ERC2: variants seen among roughly 807,000 people sequenced by gnomAD.
ERC2 encodes ELKS/RAB6-interacting/CAST family member 2.
In ERC2, 42 loss-of-function variants were observed where a neutral mutation model predicts 114.8. That is an observed-to-expected ratio of 0.37 (90% CI 0.29 to 0.47). The LOEUF (loss-of-function observed/expected upper bound fraction) is 0.47. Ranked by LOEUF, ERC2 falls within the 20% of genes least tolerant of loss-of-function variation. The probability of loss-of-function intolerance (pLI) is 0.99; values close to 1 mark genes in which losing one functional copy is unlikely to be tolerated. For synonymous variants in ERC2, 454 were observed against 425.5 expected (o/e 1.07, Z -0.82); for missense variants, 939 against 1,150.7 (o/e 0.82, Z 2.66).
chr3:55,635,180 G>A (rs74543407), intron 17 of ERC2, among the ~76,000 whole-genome samples: 3,172 of 152,112 alleles, frequency 0.021, 43 homozygotes, highest in Middle Eastern at 0.068. Flanking sequence ...ACCGTGCCCG[G>A]CCTATTATTT....
chr3:56,348,815 G>C (rs756260126), intron 2 of ERC2, among the ~76,000 whole-genome samples: 4 of 150,160 alleles, frequency 2.7e-5, no homozygotes, highest in Non-Finnish European at 5.9e-5. Context: ...CAAACCCAAG[G>C]TAAACAGGAT....
intron 14 of ERC2, among the ~76,000 whole-genome samples, chr3:55,829,843 T>C (rs77901867): frequency 0.024 from 3,609 of 152,210 alleles, 78 homozygotes; most frequent in South Asian, 0.085. Flanking sequence ...CGAACATTTG[T>C]GTCATTGGAA....
intron 5 of ERC2, among the ~76,000 whole-genome samples, chr3:56,145,440 T>C (rs1169405005): frequency 6.6e-6 from 1 of 152,226 alleles, no homozygotes; most frequent in African/African-American, 2.4e-5. Flanking sequence ...GTATTTGGTA[T>C]GTTCCATTCT....
At chr3:56,332,919 A>G (rs1023813261) in intron 2 of ERC2, among the ~76,000 whole-genome samples, 2 of 152,220 alleles carry the variant, frequency 1.3e-5, no homozygotes, top group Admixed American at 6.5e-5. Context: ...AAAAGGGGGG[A>G]AAAACAATGC....
chr3:55,617,241 G>A (rs1305828878), intron 17 of ERC2, among the ~76,000 whole-genome samples: 1 of 152,144 alleles, frequency 6.6e-6, no homozygotes, highest in Non-Finnish European at 1.5e-5. Flanking sequence ...TATTTCCAGT[G>A]CGCCTCTACC....
At chr3:55,845,331 C>T (rs2061310801) in intron 14 of ERC2, among the ~76,000 whole-genome samples, 1 of 152,004 alleles carries the variant, frequency 6.6e-6, no homozygotes, top group Middle Eastern at 3.4e-3. Context: ...GGTGAAACCC[C>T]GTCTCTGCTA....
intron 2 of ERC2, among the ~76,000 whole-genome samples, chr3:56,422,691 G>A (rs1180805373): frequency 1.3e-5 from 2 of 152,162 alleles, no homozygotes; most frequent in Admixed American, 6.5e-5. Flanking sequence ...CAAGTTTGAT[G>A]TTTTTCCCTT....
intron 14 of ERC2, among the ~76,000 whole-genome samples, chr3:55,817,153 T>C (rs1375930384): frequency 6.6e-6 from 1 of 152,180 alleles, no homozygotes; most frequent in African/African-American, 2.4e-5. Context: ...ACGCAATAAC[T>C]CACAACCACC....
Position 55,591,658 on chromosome 3 carries a change from C to T in ERC2, c.*40-80382G>A, listed in dbSNP as rs139801021. On this transcript the variant is annotated intron_variant, in intron 17 of 17. Transcript: ENST00000288221. ...CTGACCAAGGCCAAAACCAAACATC[C>T]GCAATGAGGAAAAATAAGCACAAGT... Among the ~76,000 whole-genome samples the T allele has an allele frequency of 5.3e-3, 805 of 151,966 alleles. 5 individuals are homozygous for T. Among genetic ancestry groups the T allele is most frequent in the African/African-American group, 0.018 (766 of 41,436 alleles).
chr3:56,343,192 T>TCACACA (rs61632315), intron 2 of ERC2, among the ~76,000 whole-genome samples: 3 of 126,206 alleles, frequency 2.4e-5, no homozygotes, highest in Non-Finnish European at 4.9e-5. Context: ...TCTCTCTCTC[T>TCACACA]CACACACACA....
chr3:56,188,129 T>C (rs1324368660), intron 3 of ERC2, among the ~76,000 whole-genome samples: 1 of 152,136 alleles, frequency 6.6e-6, no homozygotes, highest in Non-Finnish European at 1.5e-5. Context: ...AGGTGTCTTC[T>C]TGAAACTCTA....
intron 7 of ERC2, among the ~76,000 whole-genome samples, chr3:56,049,858 G>GTGTA (rs1553791463): frequency 1.6e-5 from 2 of 126,562 alleles, no homozygotes; most frequent in African/African-American, 5.4e-5. Context: ...GTGTGTGTGT[G>GTGTA]TGTATCCTAT....
chr3:56,112,475 A>T (rs533214772), intron 6 of ERC2, among the ~76,000 whole-genome samples: 5 of 152,118 alleles, frequency 3.3e-5, no homozygotes, highest in African/African-American at 1.2e-4. Flanking sequence ...ACATTGGCAC[A>T]CACACATAGG....
chr3:55,692,112 T>C (rs866190396), intron 16 of ERC2, among the ~76,000 whole-genome samples: 1 of 152,194 alleles, frequency 6.6e-6, no homozygotes, highest in Non-Finnish European at 1.5e-5. Flanking sequence ...ACAGAGCAGG[T>C]TGGACCCCTT....
intron 6 of ERC2, among the ~76,000 whole-genome samples, chr3:56,081,210 T>A (rs1272384107): frequency 1.3e-5 from 2 of 152,032 alleles, no homozygotes; most frequent in Non-Finnish European, 2.9e-5. Flanking sequence ...AAAATAAGAC[T>A]TCTTTGAAAT....
At chr3:55,543,764 T>C (rs1202700581) in intron 17 of ERC2, among the ~76,000 whole-genome samples, 1 of 152,104 alleles carries the variant, frequency 6.6e-6, no homozygotes, top group African/African-American at 2.4e-5. Context: ...GCGCTGTCTC[T>C]GTGTGCCATT....
intron 15 of ERC2, among the ~76,000 whole-genome samples, chr3:55,727,275 T>C (rs2064980091): frequency 6.6e-6 from 1 of 152,176 alleles, no homozygotes; most frequent in African/African-American, 2.4e-5. Flanking sequence ...AAATCAAAAT[T>C]TAACTGATTC....
intron 17 of ERC2, among the ~76,000 whole-genome samples, chr3:55,529,508 C>T (rs540449039): frequency 3.5e-4 from 54 of 152,152 alleles, no homozygotes; most frequent in Admixed American, 1.4e-3. Context: ...GGTTACTTTG[C>T]AAATATATGC....
intron 2 of ERC2, among the ~76,000 whole-genome samples, chr3:56,406,683 C>T (rs1241741492): frequency 6.6e-6 from 1 of 152,124 alleles, no homozygotes; most frequent in African/African-American, 2.4e-5. Context: ...CCTAGGAGAG[C>T]ATGATGCACA....
Sources: gnomAD v4.1 joint callset for allele counts (sites outside exome capture counted in the v4.1 genomes callset) on GRCh38, gnomAD v4.1.1 for gene constraint, MANE v1.5 for transcripts, NCBI Gene and HGNC (gene_info 2026-07-23, HGNC 2026-07-21) for gene names.